The following NXPE4 variants were observed in gnomAD, a reference collection of about 807,000 sequenced individuals.
NXPE4 encodes the protein NXPE family member 4.
Under a neutral mutation model 33.3 loss-of-function variants are expected in NXPE4, and 42 were observed. The observed-to-expected ratio is 1.26, with a 90% CI of 0.98 to 1.63. NXPE4 has a LOEUF of 1.63. Ranked by LOEUF, NXPE4 falls within the 40% of genes most tolerant of loss-of-function variation. NXPE4 has a pLI of 0.00. For synonymous variants in NXPE4, 253 were observed against 234.9 expected (o/e 1.08, Z -0.71); for missense variants, 709 against 647.6 (o/e 1.09, Z -1.03).
At chr11:114,654,659 T>G in the NXPE4 span, among the ~76,000 whole-genome samples, 4 of 152,222 alleles carry the variant, frequency 2.6e-5, no homozygotes, top group Non-Finnish European at 4.4e-5. Flanking sequence ...TCGTTCCTTT[T>G]TTATGGATGC....
the NXPE4 span, among the ~76,000 whole-genome samples, chr11:114,612,559 G>T: frequency 6.6e-6 from 1 of 151,622 alleles, no homozygotes; most frequent in Admixed American, 6.6e-5. Flanking sequence ...TTGCCTCATG[G>T]GTAACCACTG....
chr11:114,658,973 G>A, the NXPE4 span, among the ~76,000 whole-genome samples: 1 of 152,104 alleles, frequency 6.6e-6, no homozygotes, highest in East Asian at 1.9e-4. Flanking sequence ...TGACACACAA[G>A]GAAGGACAAA....
upstream of NXPE4, among the ~76,000 whole-genome samples, chr11:114,599,884 G>T (rs1451505440): frequency 6.6e-6 from 1 of 151,934 alleles, no homozygotes; most frequent in East Asian, 1.9e-4. Context: ...TTTGGGCAGG[G>T]ACACAGATCC....
chr11:114,595,973 A>C (rs1231258602), upstream of NXPE4, among the ~76,000 whole-genome samples: 1 of 152,202 alleles, frequency 6.6e-6, no homozygotes, highest in East Asian at 1.9e-4. Flanking sequence ...GTGTTTGATA[A>C]ATAATTGTAT....
chr11:114,609,331 C>T, the NXPE4 span, among the ~76,000 whole-genome samples: 1 of 151,374 alleles, frequency 6.6e-6, no homozygotes, highest in African/African-American at 2.4e-5. Flanking sequence ...CACGGTTACC[C>T]TGTGTATAAT....
chr11:114,592,639 C>T (rs1005606145), intron 2 of NXPE4, among the ~76,000 whole-genome samples: 2 of 152,022 alleles, frequency 1.3e-5, no homozygotes, highest in Non-Finnish European at 2.9e-5. Flanking sequence ...CAAACCCTAT[C>T]AAAATACCAA....
the NXPE4 span, among the ~76,000 whole-genome samples, chr11:114,631,431 C>T: frequency 6.7e-6 from 1 of 148,792 alleles, no homozygotes; most frequent in Non-Finnish European, 1.5e-5. Flanking sequence ...GAACAAAAAA[C>T]CAAACACTGC....
chr11:114,674,419 A>T, the NXPE4 span, among the ~76,000 whole-genome samples: 1 of 151,826 alleles, frequency 6.6e-6, no homozygotes, highest in Non-Finnish European at 1.5e-5. Flanking sequence ...TAGATTCCAC[A>T]TTAGGAGAGA....
the NXPE4 span, among the ~76,000 whole-genome samples, chr11:114,648,082 T>C: frequency 6.6e-6 from 1 of 152,206 alleles, no homozygotes; most frequent in African/African-American, 2.4e-5. Context: ...GTCTTTGCCC[T>C]GGTTCCTGAG....
At chr11:114,580,488 A>G (rs1334419631) in intron 4 of NXPE4, 150 bp from the exon 5 acceptor site, 3 of 639,674 alleles carry the variant, frequency 4.7e-6, no homozygotes, top group East Asian at 5.5e-5. Flanking sequence ...TCTTAATGGA[A>G]CAGCTGTTTT....
chr11:114,657,408 G>A, the NXPE4 span, among the ~76,000 whole-genome samples: 6 of 152,038 alleles, frequency 3.9e-5, no homozygotes, highest in Non-Finnish European at 5.9e-5. Context: ...TTTGAATGTA[G>A]GCAATAAAGC....
At chr11:114,629,034 C>T in the NXPE4 span, among the ~76,000 whole-genome samples, 1 of 152,042 alleles carries the variant, frequency 6.6e-6, no homozygotes, top group African/African-American at 2.4e-5. Context: ...TAATCAATAG[C>T]TTACCAATGA....
chr11:114,608,677 A>C, the NXPE4 span, among the ~76,000 whole-genome samples: 1 of 151,308 alleles, frequency 6.6e-6, no homozygotes, highest in Non-Finnish European at 1.5e-5. Flanking sequence ...GATAATAAGC[A>C]TTGCCTCCCA....
At chr11:114,620,596 T>A in the NXPE4 span, among the ~76,000 whole-genome samples, 2 of 151,984 alleles carry the variant, frequency 1.3e-5, no homozygotes, top group African/African-American at 4.8e-5. Context: ...GCCTCTAGGG[T>A]AACCACTGTT....
At chr11:114,591,320 A>T (rs1273184464) in intron 2 of NXPE4, among the ~76,000 whole-genome samples, 1 of 152,228 alleles carries the variant, frequency 6.6e-6, no homozygotes, top group Non-Finnish European at 1.5e-5. Flanking sequence ...ACCATTTGGA[A>T]GGAAAGACAC....
In NXPE4 at chr11:114,582,919, C is replaced by G; in HGVS notation, c.199G>C (p.Glu67Gln). ...ATTTCCTTTATTCTGAGTTCAGTCTCTGTTAGTGGCTTTAATGATATCAGT... is the reference window on the plus strand; with the variant it reads ...ATTTCCTTTATTCTGAGTTCAGTCTGTGTTAGTGGCTTTAATGATATCAGT... ...TPLISLKPLT[E>Q]TELRIKEIIE... Residue 67 changes from glutamate to glutamine, a missense_variant, in exon 3 of 6, where the codon GAG becomes CAG. Coordinates refer to ENST00000375478, the MANE Select transcript of NXPE4 (RefSeq NM_001077639.2). The G allele has an allele frequency of 1.2e-6, 2 of 1,614,106 alleles. No individual in the cohort carries two copies. The highest frequency in any genetic ancestry group is 1.1e-5 in the South Asian group (1 of 91,086).
chr11:114,627,166 G>A, the NXPE4 span, among the ~76,000 whole-genome samples: 1 of 151,816 alleles, frequency 6.6e-6, no homozygotes, highest in African/African-American at 2.4e-5. Context: ...GAAATACAGA[G>A]AACGCCACAA....
Position 114,570,940 on chromosome 11 carries a change from A to T in NXPE4, c.1633T>A (p.Ter545LysextTer12). The T allele has an allele frequency of 6.4e-7, 1 of 1,565,520 alleles. No homozygotes were observed. Among genetic ancestry groups the T allele is most frequent in the Non-Finnish European group, 8.7e-7 (1 of 1,154,190 alleles). The part of the protein sequence containing the change: ...QINILLNYIC[*>K] ...TGAATTTCAGACTTTTGTGTTATTT[A>T]ACAAATATAGTTTAATAATATATTA... The change falls in exon 6 of 6, where the codon TAA (stop) becomes AAA (lysine). Residue 545 changes from the stop codon to lysine, a stop_lost. Coordinates refer to ENST00000375478, the MANE Select transcript of NXPE4 (RefSeq NM_001077639.2).
At chr11:114,589,035 A>G (rs1949377980) in intron 2 of NXPE4, among the ~76,000 whole-genome samples, 1 of 152,174 alleles carries the variant, frequency 6.6e-6, no homozygotes. Flanking sequence ...AGGCTCTGGT[A>G]GCTGCTTTGC....
Sources: allele counts gnomAD v4.1 joint callset (sites outside exome capture counted in the v4.1 genomes callset), GRCh38; gene constraint gnomAD v4.1.1; transcripts MANE v1.5; gene names NCBI Gene and HGNC (gene_info 2026-07-23, HGNC 2026-07-21).